VPS26A: variants seen among roughly 807,000 people sequenced by gnomAD.
VPS26A encodes vacuolar protein sorting-associated protein 26A.
In VPS26A, 22 loss-of-function variants were observed where a neutral mutation model predicts 42.4. The ratio of observed to expected loss-of-function variants is 0.52; its 90% CI spans 0.37 to 0.74. The LOEUF (loss-of-function observed/expected upper bound fraction) is 0.74, where lower values mean the gene tolerates loss of function less well. VPS26A is among the 30% of genes least tolerant of loss of function. The pLI, the probability that VPS26A is intolerant of heterozygous loss-of-function variation, is 0.00. For synonymous variants in VPS26A, 110 were observed against 123.5 expected, an observed-to-expected ratio of 0.89 and a Z score of 0.73; for missense variants, 276 against 379.2, an observed-to-expected ratio of 0.73 and a Z score of 2.26.
At chr10:69,139,993 T>C (rs941698103) in intron 2 of VPS26A, among the ~76,000 whole-genome samples, 3 of 152,182 alleles carry the variant, frequency 2.0e-5, no homozygotes, top group Admixed American at 1.3e-4. Flanking sequence ...TTCTCTTTTT[T>C]TCTTAAAATA....
At chr10:69,168,330 CA>C (rs1169104953) in intron 7 of VPS26A, among the ~76,000 whole-genome samples, 158 bp from the exon 8 acceptor site, 1 of 152,148 alleles carries the variant, frequency 6.6e-6, no homozygotes, top group Non-Finnish European at 1.5e-5. Flanking sequence ...TTATTCAGCC[CA>C]AAATATCAGT....
At chr10:69,153,652 C>T (rs1407248197) in intron 2 of VPS26A, among the ~76,000 whole-genome samples, 1 of 152,090 alleles carries the variant, frequency 6.6e-6, no homozygotes, top group Non-Finnish European at 1.5e-5. Flanking sequence ...CCACGCCTAG[C>T]TTGGAATTTT....
intron 8 of VPS26A, among the ~76,000 whole-genome samples, 188 bp from the exon 9 acceptor site, chr10:69,170,968 A>G (rs757319977): frequency 6.6e-6 from 1 of 152,202 alleles, no homozygotes; most frequent in Non-Finnish European, 1.5e-5. Flanking sequence ...TGCTGGTGAT[A>G]GGAGCACTAG....
intron 1 of VPS26A, among the ~76,000 whole-genome samples, chr10:69,124,616 C>G (rs1840609352): frequency 6.6e-6 from 1 of 152,220 alleles, no homozygotes; most frequent in Non-Finnish European, 1.5e-5. Context: ...TCCTAGGTAG[C>G]CAGTCCCTGT....
chr10:69,137,992 T>A (rs1280026723), intron 2 of VPS26A, among the ~76,000 whole-genome samples: 1 of 152,076 alleles, frequency 6.6e-6, no homozygotes, highest in African/African-American at 2.4e-5. Flanking sequence ...CAGAAATTTT[T>A]AAAAATGCTG....
At position 69,171,146 on chromosome 10, in the gene VPS26A, T is replaced by C. The variant is rs1180744930; in HGVS notation, c.871-10T>C. Reference sequence around the variant, plus strand: ...CATTAATTTGTTAATATCTTGCATTTGTTTACTAGGAGATAATTTTATGGA... The same window carrying C: ...CATTAATTTGTTAATATCTTGCATTCGTTTACTAGGAGATAATTTTATGGA... On this transcript the variant is annotated splice_polypyrimidine_tract_variant and intron_variant, in intron 8 of 8. Coordinates refer to ENST00000263559, the MANE Select transcript of VPS26A (RefSeq NM_004896.5). 1.5e-5 allele frequency: 24 copies of C among 1,599,614 alleles called. No individual in the cohort carries two copies. The highest frequency in any genetic ancestry group is 2.0e-5 in the Non-Finnish European group (23 of 1,172,780).
chr10:69,151,856 T>G (rs1459693066), intron 2 of VPS26A, among the ~76,000 whole-genome samples: 3 of 152,228 alleles, frequency 2.0e-5, no homozygotes, highest in African/African-American at 7.2e-5. Flanking sequence ...TTGGTAGAGA[T>G]TATAGTTCAA....
intron 5 of VPS26A, chr10:69,161,748 T>C: frequency 2.7e-6 from 1 of 369,272 alleles, no homozygotes; most frequent in South Asian, 2.4e-5. Context: ...CACAATTAGA[T>C]GCAAGCACAC....
At chr10:69,163,841 C>T (rs1299001831) in intron 6 of VPS26A, among the ~76,000 whole-genome samples, 1 of 150,170 alleles carries the variant, frequency 6.7e-6, no homozygotes, top group Non-Finnish European at 1.5e-5. Flanking sequence ...TCTCGGCTCA[C>T]TGCAAGCTCC....
At chr10:69,130,006 CTAAG>C (rs1840742929) in intron 1 of VPS26A, among the ~76,000 whole-genome samples, 1 of 152,150 alleles carries the variant, frequency 6.6e-6, no homozygotes, top group South Asian at 2.1e-4. Context: ...AATGACTCTC[CTAAG>C]TGAGGACAGA....
Position 69,157,024 on chromosome 10 carries a change from A to AGT in VPS26A, c.248_249dup (p.Asn84ValfsTer7). The AGT allele has an allele frequency of 6.2e-7, 1 of 1,611,042 alleles. No individual in the cohort carries two copies. Reference sequence around the variant, plus strand: ...TTTCTCAGAACTTTTCAATGACAAGAGTAATACTCATGAATTTGTAAACCT... The same window carrying AGT: ...TTTCTCAGAACTTTTCAATGACAAGAGTGTAATACTCATGAATTTGTAAACCT... On this transcript the variant is annotated frameshift_variant, in exon 4 of 9. Transcript: ENST00000263559. LOFTEE classifies it high-confidence loss of function.
At chr10:69,171,132 T>C (rs1482568751) in intron 8 of VPS26A, 24 bp from the exon 9 acceptor site, 1 of 1,565,914 alleles carries the variant, frequency 6.4e-7, no homozygotes, top group Admixed American at 1.8e-5. Flanking sequence ...ATTAATTTGT[T>C]AATATCTTGC....
At position 69,158,140 on chromosome 10, in the gene VPS26A, TAAC is replaced by T. The variant is rs1589360966; in HGVS notation, c.484_486del (p.Asn162del). On this transcript the variant is annotated inframe_deletion, in exon 5 of 9. Transcript: ENST00000263559. ...ACCAGCTTGCCACCTATCCTGATGT[TAAC>T]AACTCTATTAAGATGGAAGTGGGCA... 6.2e-7 allele frequency: 1 copy of T among 1,613,130 alleles called. No homozygotes were observed. Among genetic ancestry groups the T allele is most frequent in the Non-Finnish European group, 8.5e-7 (1 of 1,179,524 alleles).
At chr10:69,149,945 T>C (rs1296470429) in intron 2 of VPS26A, among the ~76,000 whole-genome samples, 1 of 152,100 alleles carries the variant, frequency 6.6e-6, no homozygotes, top group African/African-American at 2.4e-5. Context: ...GGTTTCACCA[T>C]GTGGGCCAGG....
intron 2 of VPS26A, among the ~76,000 whole-genome samples, chr10:69,142,041 G>C (rs1161200309): frequency 6.6e-6 from 1 of 151,032 alleles, no homozygotes; most frequent in Non-Finnish European, 1.5e-5. Flanking sequence ...ATGCCACCAC[G>C]CCCGGCTAAT....
At chr10:69,126,259 T>G (rs567535742) in intron 1 of VPS26A, among the ~76,000 whole-genome samples, 1 of 152,076 alleles carries the variant, frequency 6.6e-6, no homozygotes, top group Non-Finnish European at 1.5e-5. Context: ...GTCGGGAGTT[T>G]GAGACCAGCC....
chr10:69,136,882 C>T (rs553088502), intron 2 of VPS26A, among the ~76,000 whole-genome samples: 4 of 152,164 alleles, frequency 2.6e-5, no homozygotes, highest in Non-Finnish European at 5.9e-5. Context: ...GCCTCCACCT[C>T]CCGGATTCAA....
At chr10:69,165,718 GA>G (rs1841670937) in intron 6 of VPS26A, among the ~76,000 whole-genome samples, 3 of 152,016 alleles carry the variant, frequency 2.0e-5, no homozygotes, top group Admixed American at 1.3e-4. Context: ...GCTTAGGTGG[GA>G]AGATTGCTTG....
chr10:69,150,870 G>C (rs78791742), intron 2 of VPS26A, among the ~76,000 whole-genome samples: 1 of 152,130 alleles, frequency 6.6e-6, no homozygotes, highest in Admixed American at 6.5e-5. Context: ...CTGAATCTGG[G>C]TAAAGGTTAT....
Sources: allele counts gnomAD v4.1 joint callset (sites outside exome capture counted in the v4.1 genomes callset), GRCh38; gene constraint gnomAD v4.1.1; transcripts MANE v1.5; gene names NCBI Gene and HGNC (gene_info 2026-07-23, HGNC 2026-07-21).